RPS6KA2: variants seen among roughly 807,000 people sequenced by gnomAD.
The protein encoded by RPS6KA2 is ribosomal protein S6 kinase A2, also known as ribosomal protein S6 kinase alpha-2.
Under a neutral mutation model 91.8 loss-of-function variants are expected in RPS6KA2, and 42 were observed. The ratio of observed to expected loss-of-function variants is 0.46; its 90% CI spans 0.36 to 0.59. The LOEUF is 0.59. Ranked by LOEUF, RPS6KA2 falls within the 20% of genes least tolerant of loss-of-function variation. The pLI, the probability that RPS6KA2 is intolerant of heterozygous loss-of-function variation, is 0.00. For missense variants in RPS6KA2, 798 were observed against 978.5 expected, an observed-to-expected ratio of 0.82 and a Z score of 2.46; for synonymous variants, 414 against 393.6, an observed-to-expected ratio of 1.05 and a Z score of -0.61.
chr6:166,680,455 CGTTGTG>C (rs1008111120), intron 2 of RPS6KA2, among the ~76,000 whole-genome samples: 2 of 152,112 alleles, frequency 1.3e-5, no homozygotes, highest in African/African-American at 4.8e-5. Context: ...TCCCCTTCCA[CGTTGTG>C]GAAGGTTTGT....
chr6:166,848,263 T>C (rs1223375878), intron 2 of RPS6KA2, among the ~76,000 whole-genome samples: 3 of 152,154 alleles, frequency 2.0e-5, no homozygotes, highest in Non-Finnish European at 2.9e-5. Context: ...AAATAATAGA[T>C]GTTAGCATGG....
chr6:166,664,134 A>G (rs1788248730), intron 2 of RPS6KA2, among the ~76,000 whole-genome samples: 1 of 152,276 alleles, frequency 6.6e-6, no homozygotes, highest in African/African-American at 2.4e-5. Flanking sequence ...CATTCTTTTT[A>G]GCATTGCCTT....
At chr6:166,631,845 C>T (rs746732121), upstream of RPS6KA2, among the ~76,000 whole-genome samples, 2 of 152,168 alleles carry the variant, frequency 1.3e-5, no homozygotes, top group Admixed American at 6.5e-5. Flanking sequence ...AGAGAGGCTG[C>T]GCGGCAAACG....
At chr6:166,808,053 C>T (rs563099645) in intron 2 of RPS6KA2, among the ~76,000 whole-genome samples, 138 of 150,090 alleles carry the variant, frequency 9.2e-4, no homozygotes, top group Non-Finnish European at 1.8e-3. Context: ...AGCTCCCACC[C>T]CTGCAGGGCA....
chr6:166,735,483 C>G (rs1394223529), intron 2 of RPS6KA2, among the ~76,000 whole-genome samples: 1 of 152,158 alleles, frequency 6.6e-6, no homozygotes, highest in Non-Finnish European at 1.5e-5. Context: ...TTATTCCTAT[C>G]CTTATTACAC....
intron 2 of RPS6KA2, among the ~76,000 whole-genome samples, chr6:166,779,156 G>A (rs1778702791): frequency 6.6e-6 from 1 of 152,190 alleles, no homozygotes. Flanking sequence ...TGGTGGGAGA[G>A]TGGAAAAGTA....
chr6:166,507,542 GCA>G (rs1257183132), intron 5 of RPS6KA2, among the ~76,000 whole-genome samples: 1 of 146,520 alleles, frequency 6.8e-6, no homozygotes, highest in Non-Finnish European at 1.5e-5. Context: ...ACCACATATA[GCA>G]CACACACACC....
intron 2 of RPS6KA2, among the ~76,000 whole-genome samples, chr6:166,855,717 G>A (rs1780882192): frequency 1.3e-5 from 2 of 152,134 alleles, no homozygotes; most frequent in South Asian, 4.1e-4. Context: ...TCCATGTTGG[G>A]TTTTCAGCAT....
chr6:166,548,319 G>A (rs936404015), intron 1 of RPS6KA2, among the ~76,000 whole-genome samples: 1 of 152,206 alleles, frequency 6.6e-6, no homozygotes, highest in Admixed American at 6.5e-5. Flanking sequence ...ATCAAAATCT[G>A]AGCAAGCATT....
chr6:166,634,139 T>C (rs9348157), intron 2 of RPS6KA2, among the ~76,000 whole-genome samples: 3 of 152,070 alleles, frequency 2.0e-5, no homozygotes, highest in Non-Finnish European at 4.4e-5. Flanking sequence ...AGGGACACAC[T>C]TGCATTTGAG....
intron 2 of RPS6KA2, among the ~76,000 whole-genome samples, chr6:166,786,769 T>C (rs1446953831): frequency 7.9e-5 from 12 of 152,218 alleles, no homozygotes; most frequent in African/African-American, 2.7e-4. Context: ...AGTAATTGTG[T>C]AATTTAGTGC....
intron 1 of RPS6KA2, among the ~76,000 whole-genome samples, chr6:166,568,000 G>A (rs767800844): frequency 6.6e-6 from 1 of 152,144 alleles, no homozygotes; most frequent in Non-Finnish European, 1.5e-5. Flanking sequence ...CCTCCTCCTG[G>A]GAAACATCCT....
chr6:166,660,526 C>T lies in RPS6KA2; in HGVS notation c.124-121742G>A, dbSNP rs563070024. On this transcript the variant is annotated intron_variant, in intron 2 of 21. Transcript: ENST00000503859. The stretch of plus-strand genomic sequence containing the variant: ...GCCAGGCATAGCCTTCCTAGGGACA[C>T]AGTGACAACCAAGATAAACACAGCT... 1.1e-4 allele frequency among the ~76,000 whole-genome samples: 17 copies of T among 152,248 alleles called. No individual in the cohort carries two copies. The South Asian group carries it at 3.1e-3, about 28-fold the overall frequency.
At chr6:166,862,410 C>G (rs1470747429) in exon 1 of RPS6KA2, 1 of 1,356,628 alleles carries the variant, frequency 7.4e-7, no homozygotes, top group Non-Finnish European at 9.5e-7. Flanking sequence ...GGCGCCGTCC[C>G]CTCCCTGCCA....
At chr6:166,847,666 A>G (rs1002571700) in intron 2 of RPS6KA2, among the ~76,000 whole-genome samples, 1 of 152,082 alleles carries the variant, frequency 6.6e-6, no homozygotes, top group Admixed American at 6.5e-5. Flanking sequence ...GGGAAAGGAC[A>G]CCCTATTCAA....
intron 2 of RPS6KA2, among the ~76,000 whole-genome samples, chr6:166,839,820 G>A (rs1323000574): frequency 4.0e-5 from 6 of 150,756 alleles, no homozygotes; most frequent in African/African-American, 2.5e-5. Context: ...AAGGAAGGCA[G>A]TCTGCTGATG....
At chr6:166,670,288 C>T (rs1044642706) in intron 2 of RPS6KA2, among the ~76,000 whole-genome samples, 8 of 152,236 alleles carry the variant, frequency 5.3e-5, no homozygotes, top group Non-Finnish European at 1.0e-4. Flanking sequence ...AGCCCTGCAA[C>T]ACGCGCATGA....
chr6:166,663,474 A>G (rs1224158847), intron 2 of RPS6KA2, among the ~76,000 whole-genome samples: 1 of 152,242 alleles, frequency 6.6e-6, no homozygotes, highest in Non-Finnish European at 1.5e-5. Context: ...CACCACGGCC[A>G]AGGAGTTCTT....
At chr6:166,481,430 A>G (rs1781209632) in intron 10 of RPS6KA2, among the ~76,000 whole-genome samples, 1 of 152,286 alleles carries the variant, frequency 6.6e-6, no homozygotes, top group Non-Finnish European at 1.5e-5. Context: ...AATTGAATTA[A>G]TAGATCTTAA....
Sources: allele counts gnomAD v4.1 joint callset (sites outside exome capture counted in the v4.1 genomes callset), GRCh38; gene constraint gnomAD v4.1.1; transcripts MANE v1.5; gene names NCBI Gene and HGNC (gene_info 2026-07-23, HGNC 2026-07-21).